MED12L: variants seen among roughly 807,000 people sequenced by gnomAD.
The protein encoded by MED12L is mediator complex subunit 12L.
Under a neutral mutation model 281.3 loss-of-function variants are expected in MED12L, and 60 were observed. The ratio of observed to expected loss-of-function variants is 0.21; its 90% CI spans 0.17 to 0.26. The LOEUF is 0.26. Among genes scored for constraint, MED12L ranks in the 10% least tolerant of loss-of-function variants. The probability of loss-of-function intolerance (pLI) is 1.00; values close to 1 mark genes in which losing one functional copy is unlikely to be tolerated. For synonymous variants in MED12L, 974 were observed against 987.2 expected, an observed-to-expected ratio of 0.99 and a Z score of 0.25; for missense variants, 2,146 against 2,680.9, an observed-to-expected ratio of 0.80 and a Z score of 4.41.
At chr3:151,258,442 A>T (rs1183467285) in intron 16 of MED12L, among the ~76,000 whole-genome samples, 1 of 152,292 alleles carries the variant, frequency 6.6e-6, no homozygotes, top group East Asian at 1.9e-4. Flanking sequence ...GATTCATGAA[A>T]TGCTATCTGA....
intron 5 of MED12L, among the ~76,000 whole-genome samples, chr3:151,155,771 C>G (rs1327778406): frequency 6.6e-6 from 1 of 152,180 alleles, no homozygotes; most frequent in African/African-American, 2.4e-5. Flanking sequence ...TCCTTGAGAT[C>G]TCCCCTTCAC....
At chr3:151,348,594 A>G (rs1752856662) in intron 16 of MED12L, among the ~76,000 whole-genome samples, 1 of 150,484 alleles carries the variant, frequency 6.6e-6, no homozygotes, top group Non-Finnish European at 1.5e-5. Flanking sequence ...TTTTGGAGGC[A>G]AATTTGAACA....
At chr3:151,288,909 A>G (rs1743901412) in intron 16 of MED12L, among the ~76,000 whole-genome samples, 2 of 152,186 alleles carry the variant, frequency 1.3e-5, no homozygotes, top group Admixed American at 6.5e-5. Flanking sequence ...ACTTCTTTCA[A>G]AGTCTGTTGG....
At chr3:151,108,029 G>A (rs1451473428) in intron 2 of MED12L, among the ~76,000 whole-genome samples, 2 of 152,204 alleles carry the variant, frequency 1.3e-5, no homozygotes, top group African/African-American at 4.8e-5. Context: ...TTGAGGGTTT[G>A]TAGACAGTTA....
chr3:151,171,343 G>A (rs1248433974), intron 11 of MED12L, among the ~76,000 whole-genome samples: 1 of 152,146 alleles, frequency 6.6e-6, no homozygotes, highest in Non-Finnish European at 1.5e-5. Flanking sequence ...GCATCTCTCT[G>A]TTTGGGATGA....
At chr3:151,317,551 A>G (rs1748445817) in intron 16 of MED12L, among the ~76,000 whole-genome samples, 2 of 143,326 alleles carry the variant, frequency 1.4e-5, no homozygotes, top group African/African-American at 5.2e-5. Context: ...CCCGGATTCA[A>G]GTGATTCTCC....
chr3:151,370,621 G>A (rs1209937486), intron 26 of MED12L, among the ~76,000 whole-genome samples: 1 of 152,162 alleles, frequency 6.6e-6, no homozygotes, highest in Non-Finnish European at 1.5e-5. Flanking sequence ...GCTCATTTCA[G>A]TGAGTAGAAT....
intron 16 of MED12L, among the ~76,000 whole-genome samples, chr3:151,220,312 GGTGGTT>G (rs1729089680): frequency 6.6e-6 from 1 of 152,002 alleles, no homozygotes; most frequent in Non-Finnish European, 1.5e-5. Flanking sequence ...TTAGCAAAAT[GGTGGTT>G]GGATTTGGTT....
intron 17 of MED12L, among the ~76,000 whole-genome samples, chr3:151,352,418 G>A (rs1016050066): frequency 6.6e-6 from 1 of 152,168 alleles, no homozygotes; most frequent in South Asian, 2.1e-4. Flanking sequence ...TAACCAGAAA[G>A]CTGTTAATTT....
chr3:151,333,593 A>G (rs988753745), intron 16 of MED12L, among the ~76,000 whole-genome samples: 8 of 152,316 alleles, frequency 5.3e-5, no homozygotes, highest in Admixed American at 1.3e-4. Flanking sequence ...GTTTTTCTCT[A>G]TTAAAAACAA....
chr3:151,116,845 C>T (rs1712892542), intron 3 of MED12L, among the ~76,000 whole-genome samples: 1 of 152,182 alleles, frequency 6.6e-6, no homozygotes, highest in South Asian at 2.1e-4. Flanking sequence ...CCAGGAGACA[C>T]ACAATGCCAG....
At chr3:151,290,077 G>C (rs1345068852) in intron 16 of MED12L, among the ~76,000 whole-genome samples, 1 of 152,010 alleles carries the variant, frequency 6.6e-6, no homozygotes, top group South Asian at 2.1e-4. Flanking sequence ...TCTTTTAGTA[G>C]AGACAGGGTT....
intron 43 of MED12L, among the ~76,000 whole-genome samples, chr3:151,422,931 G>T (rs1718432756): frequency 7.8e-6 from 1 of 127,622 alleles, no homozygotes; most frequent in African/African-American, 3.0e-5. Context: ...TTTTGTTGCT[G>T]TTGTAAGAGG....
intron 16 of MED12L, chr3:151,261,273 G>C (rs542066205): frequency 6.6e-5 from 10 of 152,240 alleles, no homozygotes; most frequent in African/African-American, 2.4e-4. Flanking sequence ...CAGAGGTGGA[G>C]ATACATTCAC....
At chr3:151,201,215 G>A (rs1021270436) in intron 16 of MED12L, among the ~76,000 whole-genome samples, 82 of 148,764 alleles carry the variant, frequency 5.5e-4, no homozygotes, top group African/African-American at 1.9e-3. Context: ...ATACAACCAC[G>A]TGCACACACT....
chr3:151,117,577 A>G (rs973922074), intron 3 of MED12L, among the ~76,000 whole-genome samples: 6 of 152,030 alleles, frequency 3.9e-5, no homozygotes, highest in African/African-American at 9.7e-5. Flanking sequence ...AATAATATCA[A>G]TATATTTATT....
chr3:151,350,514 TAA>T (rs1753091527), intron 17 of MED12L, among the ~76,000 whole-genome samples: 2 of 152,168 alleles, frequency 1.3e-5, no homozygotes, highest in African/African-American at 4.8e-5. Context: ...TCTATAGTAG[TAA>T]TAAATGAAGT....
chr3:151,242,457 T>TCCCTGAC (rs566151668), intron 16 of MED12L, among the ~76,000 whole-genome samples: 33 of 151,422 alleles, frequency 2.2e-4, no homozygotes, highest in African/African-American at 5.8e-4. Flanking sequence ...CTCAAGTGGG[T>TCCCTGAC]CCCTGACCCC....
rs1713971686 is a variant in MED12L at position 151,122,910 on chromosome 3, G to A, written c.332G>A (p.Ser111Asn). The A allele has an allele frequency of 1.2e-6, 2 of 1,612,476 alleles. No homozygotes were observed. Among genetic ancestry groups the A allele is most frequent in the African/African-American group, 2.7e-5 (2 of 74,874 alleles). Residue 111 changes from serine to asparagine, a missense_variant, in exon 4 of 45, where the codon AGT becomes AAT. Physicochemically the swap from Ser to Asn is conservative, Grantham distance 46. Around this residue, in one of 9 missense-constraint regions of MED12L, gnomAD observed 722 missense variants for 861.2 expected, o/e 0.84. Transcript: ENST00000687756. ...TGGCTGGTTACTGCTCGATCCCAGA[G>A]TGCAATTCATAGTTGGTTTTCTGAC... ...NYWLVTARSQSAIHSWFSDLA... is the reference protein window; with the variant it reads ...NYWLVTARSQNAIHSWFSDLA...
Sources: gnomAD v4.1 joint callset for allele counts (sites outside exome capture counted in the v4.1 genomes callset) on GRCh38, gnomAD v4.1.1 for gene constraint, gnomAD v4.1.1 regional missense constraint, MANE v1.5 for transcripts, NCBI Gene and HGNC (gene_info 2026-07-23, HGNC 2026-07-21) for gene names.